GALNT17: variants seen among roughly 807,000 people sequenced by gnomAD.
The protein encoded by GALNT17 is polypeptide N-acetylgalactosaminyltransferase 17, also known as UDP-GalNAc:polypeptide N-acetylgalactosaminyltransferase-like 3.
A neutral mutation model predicts 63.7 loss-of-function variants in GALNT17; 29 were observed. That is an observed-to-expected ratio of 0.46 (90% CI 0.34 to 0.62). GALNT17 has a LOEUF of 0.62. Ranked by LOEUF, GALNT17 falls within the 20% of genes least tolerant of loss-of-function variation. The pLI is 0.01. For missense variants in GALNT17, 603 were observed against 799.6 expected, an observed-to-expected ratio of 0.75 and a Z score of 2.97; for synonymous variants, 305 against 318.3, an observed-to-expected ratio of 0.96 and a Z score of 0.45.
intron 2 of GALNT17, among the ~76,000 whole-genome samples, chr7:71,377,983 G>A (rs1238700689): frequency 6.6e-6 from 1 of 152,196 alleles, no homozygotes; most frequent in Non-Finnish European, 1.5e-5. Flanking sequence ...GGGAATAGCT[G>A]TGTGAAAACG....
chr7:71,177,870 A>G (rs1788667154), intron 1 of GALNT17, among the ~76,000 whole-genome samples: 1 of 152,226 alleles, frequency 6.6e-6, no homozygotes, highest in East Asian at 1.9e-4. Context: ...TCTAGAGACT[A>G]TAATCTATAT....
At chr7:71,180,953 G>A (rs1309997719) in intron 1 of GALNT17, among the ~76,000 whole-genome samples, 1 of 152,068 alleles carries the variant, frequency 6.6e-6, no homozygotes, top group African/African-American at 2.4e-5. Context: ...TTGCAGTTTT[G>A]ACAATAAAAG....
At chr7:71,431,194 T>C (rs904713262) in intron 5 of GALNT17, among the ~76,000 whole-genome samples, 6 of 136,774 alleles carry the variant, frequency 4.4e-5, no homozygotes, top group Non-Finnish European at 6.2e-5. Flanking sequence ...TGAGTATTTT[T>C]TTTTCTTTTC....
chr7:71,632,801 C>A (rs1034144883), intron 6 of GALNT17, among the ~76,000 whole-genome samples: 3 of 152,042 alleles, frequency 2.0e-5, no homozygotes, highest in Non-Finnish European at 4.4e-5. Flanking sequence ...TTAAACATTG[C>A]ATCAAAATAC....
intron 1 of GALNT17, among the ~76,000 whole-genome samples, chr7:71,169,025 C>G (rs931692483): frequency 6.6e-6 from 1 of 152,072 alleles, no homozygotes; most frequent in African/African-American, 2.4e-5. Flanking sequence ...ACCTCTAATC[C>G]TTTGGGGTGG....
At chr7:71,262,730 G>T (rs1429979969) in intron 1 of GALNT17, among the ~76,000 whole-genome samples, 2 of 146,444 alleles carry the variant, frequency 1.4e-5, no homozygotes, top group African/African-American at 5.1e-5. Context: ...ACCCAGGCTG[G>T]AGTGCAGTCG....
At chr7:71,552,067 C>T (rs1789088756) in intron 5 of GALNT17, among the ~76,000 whole-genome samples, 1 of 150,120 alleles carries the variant, frequency 6.7e-6, no homozygotes. Context: ...TATTTTGAGT[C>T]AGGGTGTTGG....
intron 1 of GALNT17, among the ~76,000 whole-genome samples, chr7:71,143,298 C>T (rs762290586): frequency 2.0e-5 from 3 of 148,362 alleles, no homozygotes; most frequent in East Asian, 2.1e-4. Context: ...GGCGGGCACC[C>T]GTCATCCCAG....
At chr7:71,361,423 G>T (rs764820179) in intron 2 of GALNT17, among the ~76,000 whole-genome samples, 17 of 152,110 alleles carry the variant, frequency 1.1e-4, no homozygotes, top group Non-Finnish European at 2.5e-4. Flanking sequence ...CGCCTTGAAG[G>T]TTTCTTCCCC....
chr7:71,330,361 A>AT (rs1004237663), intron 1 of GALNT17, among the ~76,000 whole-genome samples: 20 of 150,840 alleles, frequency 1.3e-4, no homozygotes, highest in African/African-American at 3.9e-4. Context: ...ACACTTAGTT[A>AT]TTTTTTTTCC....
intron 1 of GALNT17, among the ~76,000 whole-genome samples, chr7:71,151,505 C>T (rs1280208024): frequency 6.6e-6 from 1 of 151,842 alleles, no homozygotes; most frequent in Non-Finnish European, 1.5e-5. Context: ...CCTGTAGTCC[C>T]AGCTACTCGG....
At chr7:71,262,679 C>CTTT (rs756742343) in intron 1 of GALNT17, among the ~76,000 whole-genome samples, 6 of 124,652 alleles carry the variant, frequency 4.8e-5, no homozygotes, top group Non-Finnish European at 1.0e-4. Context: ...TTTTTACTTT[C>CTTT]TTTTTTTTTT....
At chr7:71,401,326 A>T (rs1174589249) in intron 3 of GALNT17, among the ~76,000 whole-genome samples, 1 of 151,946 alleles carries the variant, frequency 6.6e-6, no homozygotes, top group African/African-American at 2.4e-5. Context: ...CGAACTTCTG[A>T]CCTCAGATGA....
chr7:71,245,848 G>GTTTTTTTTTTTTTTTTTTTTTTTTTT lies in GALNT17; in HGVS notation c.239-89686_239-89685insTTTTTTTTTTTTTTTTTTTTTTTTTT, dbSNP rs542136452. 2.9e-4 allele frequency among the ~76,000 whole-genome samples: 36 copies of GTTTTTTTTTTTTTTTTTTTTTTTTTT among 122,882 alleles called. 1 individual carries two copies. The highest frequency in any genetic ancestry group is 5.4e-4 in the South Asian group (2 of 3,682). The allele number at this position is 122,882 out of a possible 152,430, so 80.6% of individuals were successfully genotyped here. On this transcript the variant is annotated intron_variant, in intron 1 of 10. Transcript: ENST00000333538. ...AGGTCTGCAGAGAGCAAGAGAGCAG[G>GTTTTTTTTTTTTTTTTTTTTTTTTTT]TTTTTTTTTTTTTTTTGCAAAGGTA...
intron 5 of GALNT17, among the ~76,000 whole-genome samples, chr7:71,453,914 A>G (rs1017620703): frequency 9.2e-5 from 14 of 152,162 alleles, no homozygotes; most frequent in Admixed American, 7.2e-4. Context: ...CAGCTCCCAA[A>G]TGGGCTTTCC....
intron 5 of GALNT17, among the ~76,000 whole-genome samples, chr7:71,517,525 T>C (rs987963741): frequency 7.9e-5 from 12 of 152,220 alleles, no homozygotes; most frequent in African/African-American, 2.9e-4. Flanking sequence ...TTTTAAAATA[T>C]AGGAATGACA....
At chr7:71,587,271 G>A (rs891960573) in intron 6 of GALNT17, among the ~76,000 whole-genome samples, 2 of 151,992 alleles carry the variant, frequency 1.3e-5, no homozygotes, top group Non-Finnish European at 2.9e-5. Flanking sequence ...CAAGTGATCC[G>A]CCTGCCTCAG....
Position 71,336,663 on chromosome 7 carries a change from A to G in GALNT17, c.422+930A>G, listed in dbSNP as rs536322728. On this transcript the variant is annotated intron_variant, in intron 2 of 10. Coordinates refer to ENST00000333538, the MANE Select transcript of GALNT17 (RefSeq NM_022479.3). ...CCAACTCCAGGTTGCCGCAAAGGAC[A>G]TGATGTCATTCTTGTTTATGGCTGC... 4.6e-5 allele frequency among the ~76,000 whole-genome samples: 7 copies of G among 152,342 alleles called. No individual in the cohort carries two copies. In the South Asian group the frequency reaches 1.0e-3, roughly 23 times the overall value.
At chr7:71,150,954 G>A (rs1455732084) in intron 1 of GALNT17, among the ~76,000 whole-genome samples, 1 of 148,306 alleles carries the variant, frequency 6.7e-6, no homozygotes, top group African/African-American at 2.5e-5. Flanking sequence ...TCCAGCCTGG[G>A]GAACACAGTG....
Sources: allele counts gnomAD v4.1 joint callset (sites outside exome capture counted in the v4.1 genomes callset), GRCh38; gene constraint gnomAD v4.1.1; transcripts MANE v1.5; gene names NCBI Gene and HGNC (gene_info 2026-07-23, HGNC 2026-07-21).